ARHGAP42: variants seen among roughly 807,000 people sequenced by gnomAD.
The protein encoded by ARHGAP42 is Rho GTPase activating protein 42.
Under a neutral mutation model 125.0 loss-of-function variants are expected in ARHGAP42, and 63 were observed. The observed-to-expected ratio is 0.50, with a 90% CI of 0.41 to 0.62. The LOEUF is 0.62. ARHGAP42 is among the 20% of genes least tolerant of loss of function. The pLI, the probability that ARHGAP42 is intolerant of heterozygous loss-of-function variation, is 0.00. For synonymous variants in ARHGAP42, 339 were observed against 351.0 expected, an observed-to-expected ratio of 0.97 and a Z score of 0.38; for missense variants, 766 against 1,024.2, an observed-to-expected ratio of 0.75 and a Z score of 3.44.
At position 100,700,107 on chromosome 11, in the gene ARHGAP42, A is replaced by G. The variant is rs151061448; in HGVS notation, c.154+12275A>G. ...ATAAAGTGAATATCACAATACAGTG[A>G]GTCATGTAAATTTTTTGGTTTCCCA... On this transcript the variant is annotated intron_variant, in intron 1 of 23. Transcript: ENST00000298815. 4.1e-4 allele frequency among the ~76,000 whole-genome samples: 62 copies of G among 152,308 alleles called. No individual in the cohort carries two copies. The South Asian group carries it at 0.012, about 30-fold the overall frequency.
At chr11:100,881,190 G>A (rs1242503799) in intron 4 of ARHGAP42, among the ~76,000 whole-genome samples, 1 of 152,094 alleles carries the variant, frequency 6.6e-6, no homozygotes, top group African/African-American at 2.4e-5. Flanking sequence ...TTTTTCTGAT[G>A]TTATCTTCTA....
chr11:100,779,551 C>CGTATACATACGTATAT (rs747888545), intron 2 of ARHGAP42, among the ~76,000 whole-genome samples: 12 of 126,904 alleles, frequency 9.5e-5, no homozygotes, highest in South Asian at 2.5e-4. Flanking sequence ...TATATATATA[C>CGTATACATACGTATAT]ATATACATAC....
At chr11:100,839,718 C>T (rs978101952) in intron 3 of ARHGAP42, 8 of 152,162 alleles carry the variant, frequency 5.3e-5, no homozygotes, top group East Asian at 1.9e-4. Context: ...GCTGGTGTCC[C>T]GTTCCATCCT....
chr11:100,897,991 A>T (rs979987751), intron 4 of ARHGAP42, among the ~76,000 whole-genome samples: 14 of 151,926 alleles, frequency 9.2e-5, no homozygotes, highest in African/African-American at 3.1e-4. Context: ...CATAAATAGC[A>T]CTTATTATTT....
intron 20 of ARHGAP42, 135 bp from the exon 21 acceptor site, chr11:100,976,680 T>TG: frequency 8.5e-7 from 1 of 1,169,768 alleles, no homozygotes; most frequent in Non-Finnish European, 1.2e-6. Flanking sequence ...GATGGGTTGC[T>TG]GTACTCAAAG....
intron 3 of ARHGAP42, among the ~76,000 whole-genome samples, chr11:100,820,889 G>A (rs376474366): frequency 6.6e-6 from 1 of 151,666 alleles, no homozygotes; most frequent in South Asian, 2.1e-4. Flanking sequence ...CAAATGCAAC[G>A]ACCGGAAATG....
intron 1 of ARHGAP42, among the ~76,000 whole-genome samples, chr11:100,740,940 A>G (rs1171750876): frequency 6.6e-6 from 1 of 152,198 alleles, no homozygotes; most frequent in African/African-American, 2.4e-5. Flanking sequence ...TTCTAGTCCC[A>G]TGGGCTTGAG....
chr11:100,935,795 G>T (rs556504861), intron 7 of ARHGAP42, among the ~76,000 whole-genome samples: 1 of 152,184 alleles, frequency 6.6e-6, no homozygotes, highest in African/African-American at 2.4e-5. Context: ...TAGATGTGGT[G>T]AATACTGCCA....
chr11:100,726,601 A>C (rs1861865999), intron 1 of ARHGAP42, among the ~76,000 whole-genome samples: 1 of 152,240 alleles, frequency 6.6e-6, no homozygotes, highest in South Asian at 2.1e-4. Context: ...TTTTACTCTT[A>C]AGAAAAATCT....
At chr11:100,980,140 A>G (rs369552494) in intron 22 of ARHGAP42, among the ~76,000 whole-genome samples, 12 of 152,202 alleles carry the variant, frequency 7.9e-5, no homozygotes, top group African/African-American at 2.9e-4. Flanking sequence ...TCTTCCTAGA[A>G]TAATGGTCAG....
chr11:100,764,091 C>T (rs1483965216), intron 1 of ARHGAP42, among the ~76,000 whole-genome samples: 1 of 149,658 alleles, frequency 6.7e-6, no homozygotes, highest in South Asian at 2.1e-4. Context: ...GGTATGATCA[C>T]AGCACACTGC....
intron 3 of ARHGAP42, among the ~76,000 whole-genome samples, chr11:100,836,641 T>C (rs1247878201): frequency 6.6e-6 from 1 of 151,950 alleles, no homozygotes; most frequent in African/African-American, 2.4e-5. Context: ...GCTTTTGTTG[T>C]TTGCTGAAGA....
chr11:100,985,399 A>G (rs995155120), intron 22 of ARHGAP42, among the ~76,000 whole-genome samples: 5 of 152,140 alleles, frequency 3.3e-5, no homozygotes, highest in African/African-American at 1.2e-4. Context: ...ATGGTTCTGA[A>G]GTCCTCAGTA....
intron 4 of ARHGAP42, among the ~76,000 whole-genome samples, chr11:100,899,801 C>A (rs1591279377): frequency 7.1e-6 from 1 of 141,050 alleles, no homozygotes; most frequent in African/African-American, 2.6e-5. Context: ...CAGTGTATGT[C>A]TTTACATGTG....
rs188648785 is a variant in ARHGAP42 at position 100,753,685 on chromosome 11, G to A, written c.155-16658G>A. The stretch of plus-strand genomic sequence containing the variant: ...CGCCTGTGCTGGAGACTGGAAGTGC[G>A]TGCAAGGCTCTTCTTGCTGCTGTTC... On this transcript the variant is annotated intron_variant, in intron 1 of 23. Coordinates refer to ENST00000298815, the MANE Select transcript of ARHGAP42 (RefSeq NM_152432.4). 3.3e-5 allele frequency among the ~76,000 whole-genome samples: 5 copies of A among 152,356 alleles called. No individual in the cohort carries two copies. The East Asian group carries it at 5.8e-4, about 18-fold the overall frequency.
intron 17 of ARHGAP42, among the ~76,000 whole-genome samples, chr11:100,970,811 C>A (rs1851836679): frequency 6.6e-6 from 1 of 152,070 alleles, no homozygotes; most frequent in African/African-American, 2.4e-5. Context: ...CCTGCTGCAC[C>A]TCAGGTAAAG....
At chr11:100,756,696 T>A (rs1263643724) in intron 1 of ARHGAP42, among the ~76,000 whole-genome samples, 2 of 152,212 alleles carry the variant, frequency 1.3e-5, no homozygotes, top group Non-Finnish European at 2.9e-5. Flanking sequence ...ATAACATGTC[T>A]TCCAAAGTTT....
At chr11:100,819,379 G>T (rs959075989) in intron 3 of ARHGAP42, among the ~76,000 whole-genome samples, 3 of 152,102 alleles carry the variant, frequency 2.0e-5, no homozygotes, top group Non-Finnish European at 4.4e-5. Context: ...AAATGGCAGG[G>T]ATAATAACTT....
Position 100,913,531 on chromosome 11 carries a change from A to G in ARHGAP42, c.464A>G (p.Lys155Arg), listed in dbSNP as rs1866982012. The G allele has an allele frequency of 7.7e-7, 1 of 1,296,548 alleles. No homozygotes were observed. The highest frequency in any genetic ancestry group is 5.6e-5 in the East Asian group (1 of 17,738). 80.3% of individuals were successfully genotyped at this position (1,296,548 alleles called of 1,614,324 possible). Reference sequence around the variant, plus strand: ...AAGCATTTAAATTTGTCCGCAAAGAAAAAGGAGTCTCATTTACAAGAGGTA... The same window carrying G: ...AAGCATTTAAATTTGTCCGCAAAGAGAAAGGAGTCTCATTTACAAGAGGTA... Reference protein sequence around the residue: ...LEKHLNLSAKKKESHLQEADT... With the variant: ...LEKHLNLSAKRKESHLQEADT... The change falls in exon 5 of 24, where the codon AAA (lysine) becomes AGA (arginine). Residue 155 changes from lysine (K) to arginine (R), a missense_variant. By Grantham distance (26) the Lys-to-Arg change is conservative. Coordinates refer to ENST00000298815, the MANE Select transcript of ARHGAP42 (RefSeq NM_152432.4).
Sources: gnomAD v4.1 joint callset for allele counts (sites outside exome capture counted in the v4.1 genomes callset) on GRCh38, gnomAD v4.1.1 for gene constraint, MANE v1.5 for transcripts, NCBI Gene and HGNC (gene_info 2026-07-23, HGNC 2026-07-21) for gene names.